The following KIAA0319L variants were observed in gnomAD, a reference collection of about 807,000 sequenced individuals.
The protein encoded by KIAA0319L is dyslexia-associated protein KIAA0319-like protein.
KIAA0319L carries 55 observed loss-of-function variants against 120.1 expected under a neutral mutation model. The ratio of observed to expected loss-of-function variants is 0.46; its 90% CI spans 0.37 to 0.57. The LOEUF is 0.57. Among genes scored for constraint, KIAA0319L ranks in the 20% least tolerant of loss-of-function variants. The pLI is 0.00. For missense variants in KIAA0319L, 1,049 were observed against 1,255.3 expected (o/e 0.84, Z 2.48); for synonymous variants, 398 against 471.9 (o/e 0.84, Z 2.03).
intron 20 of KIAA0319L, chr1:35,440,008 A>G (rs995262688): frequency 1.2e-4 from 19 of 152,186 alleles, no homozygotes; most frequent in African/African-American, 4.6e-4. Flanking sequence ...GAGTAACATG[A>G]TAAAAACCTT....
intron 2 of KIAA0319L, among the ~76,000 whole-genome samples, chr1:35,549,437 T>C (rs1200017224): frequency 6.6e-6 from 1 of 152,196 alleles, no homozygotes; most frequent in Non-Finnish European, 1.5e-5. Context: ...AGACTCCTAG[T>C]AAGTTCTCAA....
At chr1:35,441,001 A>G in intron 20 of KIAA0319L, 46 bp downstream of exon 20, 2 of 1,446,006 alleles carry the variant, frequency 1.4e-6, no homozygotes, top group Non-Finnish European at 1.9e-6. Flanking sequence ...AGCCTTCCAC[A>G]GAGAGAGTGC....
intron 16 of KIAA0319L, among the ~76,000 whole-genome samples, chr1:35,447,863 C>T (rs1641749520): frequency 6.6e-6 from 1 of 152,188 alleles, no homozygotes; most frequent in African/African-American, 2.4e-5. Context: ...GTCCTTGCCA[C>T]AGTGTTCCAC....
chr1:35,537,615 TA>T (rs58080321), intron 2 of KIAA0319L, among the ~76,000 whole-genome samples: 2,056 of 102,916 alleles, frequency 0.02, 24 homozygotes, highest in Middle Eastern at 0.058. Context: ...TAAGCGCCAT[TA>T]AAAAAAAAAA....
chr1:35,466,554 C>T, intron 7 of KIAA0319L, 54 bp downstream of exon 7: 1 of 1,211,144 alleles, frequency 8.3e-7, no homozygotes, highest in Non-Finnish European at 1.2e-6. Context: ...TCTCTATCTC[C>T]TCAGGAGTCC....
rs552360983 is a variant in KIAA0319L at position 35,504,265 on chromosome 1, T to G, written c.666+2347A>C. Among the ~76,000 whole-genome samples, 112 of 151,832 alleles carry G rather than the reference T, an allele frequency of 7.4e-4. 1 individual carries two copies. Among genetic ancestry groups the G allele is most frequent in the African/African-American group, 2.2e-3 (93 of 41,406 alleles). On this transcript the variant is annotated intron_variant, in intron 3 of 20. Transcript: ENST00000325722. ...AGGCTGGAGTGCAGTGGCGCAATCT[T>G]CGCTCACTGCAAGCTCCACCTCCCA...
At position 35,529,089 on chromosome 1, in the gene KIAA0319L, G is replaced by A. The variant is rs568974420; in HGVS notation, c.143-21954C>T. Among the ~76,000 whole-genome samples, 16 of 152,268 alleles carry A rather than the reference G, an allele frequency of 1.1e-4. No individual in the cohort carries two copies. In the South Asian group the frequency reaches 2.7e-3, roughly 26 times the overall value. On this transcript the variant is annotated intron_variant, in intron 2 of 20. Transcript: ENST00000325722. ...GTTATTGTTGTTGTTATTTGGTAGA[G>A]ATGAGGTCTCACTATGTTGCCCAGG... is the stretch of plus-strand genomic sequence containing the variant.
Position 35,488,110 on chromosome 1 carries a change from T to A in KIAA0319L, c.667-8898A>T, listed in dbSNP as rs561128525. On this transcript the variant is annotated intron_variant, in intron 3 of 20. Coordinates refer to ENST00000325722, the MANE Select transcript of KIAA0319L (RefSeq NM_024874.5). ...GTTGTTGAATGCCCTCAGGAAAAAA[T>A]TTTTTTAAGCTGCAAATTCACAATT... is the stretch of plus-strand genomic sequence containing the variant. Among the ~76,000 whole-genome samples the A allele has an allele frequency of 4.0e-4, 61 of 152,278 alleles. 1 individual carries two copies. The highest frequency in any genetic ancestry group is 8.7e-4 in the African/African-American group (36 of 41,562).
chr1:35,497,296 T>C (rs1209333297), intron 3 of KIAA0319L, among the ~76,000 whole-genome samples: 2 of 152,098 alleles, frequency 1.3e-5, no homozygotes, highest in East Asian at 1.9e-4. Context: ...TACAACTCTA[T>C]GCATTTACTA....
chr1:35,438,938 G>A (rs1266586708), intron 20 of KIAA0319L: 3 of 152,498 alleles, frequency 2.0e-5, no homozygotes, highest in Non-Finnish European at 4.4e-5. Flanking sequence ...CTGAGCCCAG[G>A]AGGTCAAGAC....
intron 9 of KIAA0319L, among the ~76,000 whole-genome samples, chr1:35,457,881 A>G (rs1642597470): frequency 6.6e-6 from 1 of 152,330 alleles, no homozygotes; most frequent in South Asian, 2.1e-4. Flanking sequence ...AAAAATTTAC[A>G]GAAGTTTTGC....
chr1:35,453,717 A>ATT lies in KIAA0319L; in HGVS notation c.1781-29_1781-28insAA, dbSNP rs1642227808. 6.2e-7 allele frequency: 1 copy of ATT among 1,605,886 alleles called. No homozygotes were observed. Among genetic ancestry groups the ATT allele is most frequent in the Non-Finnish European group, 8.5e-7 (1 of 1,175,228 alleles). On this transcript the variant is annotated intron_variant, in intron 11 of 20. Transcript: ENST00000325722. This position sits in a 1 kb window ranked among gnomAD's most constrained non-coding sequence, Gnocchi z 4.1. ...GGAAGACAAAGAGTTAGAGGTCAAA[A>ATT]GCAGCCAGTCCAGGTGGGAAAGGAG...
At chr1:35,511,013 T>G (rs1299232247) in intron 2 of KIAA0319L, 1 of 152,210 alleles carries the variant, frequency 6.6e-6, no homozygotes, top group Non-Finnish European at 1.5e-5. Flanking sequence ...AGTACATTGG[T>G]GTAATAAATA....
intron 3 of KIAA0319L, among the ~76,000 whole-genome samples, chr1:35,481,814 C>CTTTTTTTTTT (rs747721221): frequency 4.1e-5 from 2 of 48,946 alleles, no homozygotes; most frequent in East Asian, 5.4e-4. Context: ...TCTGCTGTTT[C>CTTTTTTTTTT]TTTTTTTTTT....
In KIAA0319L at chr1:35,437,094, C is replaced by G. The variant is rs1002083151; in HGVS notation, c.2963-2013G>C. Among the ~76,000 whole-genome samples, 13 of 152,280 alleles carry G rather than the reference C, an allele frequency of 8.5e-5. No homozygotes were observed. Among genetic ancestry groups the G allele is most frequent in the Middle Eastern group, 6.8e-3 (2 of 294 alleles). On this transcript the variant is annotated intron_variant, in intron 20 of 20. Coordinates refer to ENST00000325722, the MANE Select transcript of KIAA0319L (RefSeq NM_024874.5). This position sits in a 1 kb window ranked among gnomAD's most constrained non-coding sequence, Gnocchi z 4.1. ...TCGGTAGACACTGCCCACAAGAGAC[C>G]AGCCCTGCTGCCCTCACCTGGTCGC...
chr1:35,450,329 T>C (rs1000689505), intron 14 of KIAA0319L, 29 bp downstream of exon 14: 21 of 1,603,148 alleles, frequency 1.3e-5, no homozygotes, highest in Non-Finnish European at 1.8e-5. Context: ...CCCACTCCTG[T>C]GTAGCTCTCC....
chr1:35,481,814 C>CTTTTTTT (rs747721221), intron 3 of KIAA0319L, among the ~76,000 whole-genome samples: 9 of 48,962 alleles, frequency 1.8e-4, no homozygotes, highest in African/African-American at 3.2e-4. Flanking sequence ...TCTGCTGTTT[C>CTTTTTTT]TTTTTTTTTT....
At chr1:35,442,146 C>T in intron 19 of KIAA0319L, 100 bp downstream of exon 19, 1 of 887,780 alleles carries the variant, frequency 1.1e-6, no homozygotes, top group Admixed American at 1.7e-5. Context: ...TGACTAAGGA[C>T]CCAGCCCAGT....
At chr1:35,514,122 G>A (rs1049238033) in intron 2 of KIAA0319L, among the ~76,000 whole-genome samples, 1 of 152,208 alleles carries the variant, frequency 6.6e-6, no homozygotes, top group South Asian at 2.1e-4. Flanking sequence ...ATGGTTAAGT[G>A]AATTACGGCA....
Sources: gnomAD v4.1 joint callset for allele counts (sites outside exome capture counted in the v4.1 genomes callset) on GRCh38, gnomAD v4.1.1 for gene constraint, Gnocchi (gnomAD v3.1) non-coding constraint, MANE v1.5 for transcripts, NCBI Gene and HGNC (gene_info 2026-07-23, HGNC 2026-07-21) for gene names.